The following HIRA variants were observed in gnomAD, a reference collection of about 807,000 sequenced individuals.
HIRA encodes the protein histone cell cycle regulator, also known as protein HIRA.
A neutral mutation model predicts 126.6 loss-of-function variants in HIRA; 13 were observed. That is an observed-to-expected ratio of 0.10 (90% CI 0.07 to 0.16). HIRA has a LOEUF of 0.16. Ranked by LOEUF, HIRA falls within the 10% of genes least tolerant of loss-of-function variation. The pLI is 1.00. For synonymous variants in HIRA, 511 were observed against 520.0 expected, an observed-to-expected ratio of 0.98 and a Z score of 0.24; for missense variants, 834 against 1,314.4, an observed-to-expected ratio of 0.63 and a Z score of 5.65.
At chr22:19,367,769 T>G (rs1031296175) in intron 15 of HIRA, among the ~76,000 whole-genome samples, 1 of 152,224 alleles carries the variant, frequency 6.6e-6, no homozygotes, top group East Asian at 1.9e-4. Flanking sequence ...GTACTTGGCA[T>G]GTAGCAAATT....
intron 5 of HIRA, among the ~76,000 whole-genome samples, chr22:19,404,094 C>A (rs182396492): frequency 1.3e-5 from 2 of 152,134 alleles, no homozygotes; most frequent in East Asian, 3.9e-4. Context: ...TAGGTTTTTT[C>A]TTCCCAACCC....
At chr22:19,350,516 C>T (rs2088744231) in intron 24 of HIRA, among the ~76,000 whole-genome samples, 1 of 152,224 alleles carries the variant, frequency 6.6e-6, no homozygotes, top group African/African-American at 2.4e-5. Flanking sequence ...ATCCAACCAC[C>T]CATCAAATCT....
intron 1 of HIRA, among the ~76,000 whole-genome samples, chr22:19,411,433 G>A (rs1009523227): frequency 1.3e-5 from 2 of 152,212 alleles, no homozygotes; most frequent in Non-Finnish European, 2.9e-5. Context: ...CTAGCTGGCT[G>A]GCTGGGTGGG....
At chr22:19,420,733 G>T (rs1333167962) in intron 1 of HIRA, among the ~76,000 whole-genome samples, 1 of 151,914 alleles carries the variant, frequency 6.6e-6, no homozygotes, top group Non-Finnish European at 1.5e-5. Context: ...AAAGTTATCT[G>T]CAAGGGTACA....
At chr22:19,375,925 T>C in intron 14 of HIRA, 133 bp from the exon 15 acceptor site, 1 of 902,830 alleles carries the variant, frequency 1.1e-6, no homozygotes, top group Non-Finnish European at 1.7e-6. Context: ...AATGTCAAGA[T>C]ACAATCTACT....
intron 24 of HIRA, among the ~76,000 whole-genome samples, chr22:19,338,007 G>A (rs2088585388): frequency 6.6e-6 from 1 of 152,062 alleles, no homozygotes; most frequent in South Asian, 2.1e-4. Context: ...GGCCAGGCTG[G>A]TCTTGAACTC....
At chr22:19,339,580 T>C (rs1049488476) in intron 24 of HIRA, among the ~76,000 whole-genome samples, 6 of 148,668 alleles carry the variant, frequency 4.0e-5, no homozygotes, top group African/African-American at 1.5e-4. Flanking sequence ...GAGGTTGTAG[T>C]GAGCCGAGAT....
chr22:19,420,929 T>C (rs750074126), intron 1 of HIRA, among the ~76,000 whole-genome samples: 4 of 152,224 alleles, frequency 2.6e-5, no homozygotes, highest in South Asian at 2.1e-4. Context: ...TACATTTCCA[T>C]AGTGGGAAAA....
rs1313760653 is a variant in HIRA, at chr22:19,387,782, TAGAGCATACCA to T, written c.1031_1041del (p.Leu344TyrfsTer14). On this transcript the variant is annotated frameshift_variant, in exon 11 of 25. Coordinates refer to ENST00000263208, the MANE Select transcript of HIRA (RefSeq NM_003325.4). LOFTEE classifies it high-confidence loss of function. The stretch of plus-strand genomic sequence containing the variant: ...TCGAGGAATGCCACAGAGCCGTCCA[TAGAGCATACCA>T]AGATGCCCAGCCCATTCAGAGTCCT... The T allele has an allele frequency of 6.2e-7, 1 of 1,613,708 alleles. No homozygotes were observed. Among genetic ancestry groups the T allele is most frequent in the Non-Finnish European group, 8.5e-7 (1 of 1,179,936 alleles).
chr22:19,332,795 A>G (rs1490035725), intron 24 of HIRA, among the ~76,000 whole-genome samples: 1 of 151,950 alleles, frequency 6.6e-6, no homozygotes, highest in African/African-American at 2.4e-5. Context: ...AAAAGACTAA[A>G]GAAAAAAAGG....
At chr22:19,366,248 G>C (rs933372223) in intron 15 of HIRA, among the ~76,000 whole-genome samples, 3 of 151,864 alleles carry the variant, frequency 2.0e-5, no homozygotes, top group Non-Finnish European at 4.4e-5. Flanking sequence ...TGTAGTCCCA[G>C]CTACTTGGGA....
intron 4 of HIRA, among the ~76,000 whole-genome samples, chr22:19,406,535 C>T (rs901469041): frequency 1.3e-5 from 2 of 152,210 alleles, no homozygotes; most frequent in Non-Finnish European, 2.9e-5. Context: ...CCTCTGATAA[C>T]ACCTTTTGCT....
At chr22:19,349,772 G>C (rs1318721213) in intron 24 of HIRA, among the ~76,000 whole-genome samples, 1 of 152,146 alleles carries the variant, frequency 6.6e-6, no homozygotes, top group African/African-American at 2.4e-5. Flanking sequence ...TACACACCAA[G>C]GCCTGTGAGG....
chr22:19,355,893 G>C (rs1291534411), intron 20 of HIRA, 28 bp from the exon 21 acceptor site: 3 of 1,480,904 alleles, frequency 2.0e-6, no homozygotes, highest in South Asian at 2.3e-5. Context: ...ATGAGTTCTG[G>C]GTGTGCTCTG....
At chr22:19,379,998 C>T (rs923765792) in intron 13 of HIRA, among the ~76,000 whole-genome samples, 1 of 151,592 alleles carries the variant, frequency 6.6e-6, no homozygotes, top group African/African-American at 2.4e-5. Flanking sequence ...TTAGTAGAGA[C>T]GGGGTTTCAC....
intron 1 of HIRA, among the ~76,000 whole-genome samples, chr22:19,417,407 A>G (rs2146251855): frequency 6.6e-6 from 1 of 152,060 alleles, no homozygotes; most frequent in Non-Finnish European, 1.5e-5. Flanking sequence ...GTGGATCAAG[A>G]GGTCAAGAGA....
chr22:19,421,672 T>G (rs183089701), intron 1 of HIRA, among the ~76,000 whole-genome samples: 6 of 151,676 alleles, frequency 4.0e-5, no homozygotes, highest in Middle Eastern at 3.4e-3. Flanking sequence ...CTTAACTCTT[T>G]TGTGTGTGTG....
chr22:19,407,129 GAC>G (rs2089314602), intron 4 of HIRA, 53 bp downstream of exon 4: 1 of 1,417,104 alleles, frequency 7.1e-7, no homozygotes, highest in African/African-American at 1.4e-5. Context: ...CTTTGATAAA[GAC>G]CAGCAAAGCA....
At chr22:19,361,506 A>C (rs546671644) in intron 16 of HIRA, among the ~76,000 whole-genome samples, 165 bp from the exon 17 acceptor site, 44 of 152,322 alleles carry the variant, frequency 2.9e-4, no homozygotes, top group African/African-American at 1.1e-3. Context: ...CTCATGGACA[A>C]GCCAGTTGAT....
Sources: allele counts gnomAD v4.1 joint callset (sites outside exome capture counted in the v4.1 genomes callset), GRCh38; gene constraint gnomAD v4.1.1; transcripts MANE v1.5; gene names NCBI Gene and HGNC (gene_info 2026-07-23, HGNC 2026-07-21).